The following ACOT9 variants were observed in gnomAD, a reference collection of about 807,000 sequenced individuals.
ACOT9 encodes the protein acyl-CoA thioesterase 9, also known as acyl-coenzyme A thioesterase 9, mitochondrial.
A neutral mutation model predicts 39.7 loss-of-function variants in ACOT9; 34 were observed. That is an observed-to-expected ratio of 0.86 (90% CI 0.65 to 1.14). The LOEUF (loss-of-function observed/expected upper bound fraction) is 1.14, where lower values mean the gene tolerates loss of function less well. Ranked by LOEUF, ACOT9 falls within the 50% of genes most tolerant of loss-of-function variation. The probability of loss-of-function intolerance (pLI) is 0.00; values close to 1 mark genes in which losing one functional copy is unlikely to be tolerated. For synonymous variants in ACOT9, 110 were observed against 120.5 expected (o/e 0.91, Z 0.57); for missense variants, 313 against 344.1 (o/e 0.91, Z 0.71).
intron 1 of ACOT9, among the ~76,000 whole-genome samples, chrX:23,740,911 A>T (rs1930121984): frequency 9.1e-6 from 1 of 109,812 alleles, no homozygotes; most frequent in Non-Finnish European, 1.9e-5. Context: ...AGGCCTTTGC[A>T]ACACTCAAAT....
rs141563584 is a variant in ACOT9 at position 23,739,033 on chromosome X, G to A, written c.21-3017C>T. Among the ~76,000 whole-genome samples, 921 of 111,768 alleles carry A rather than the reference G, an allele frequency of 8.2e-3. 14 individuals carry two copies. Among genetic ancestry groups the A allele is most frequent in the African/African-American group, 0.028 (858 of 30,779 alleles). On this transcript the variant is annotated intron_variant, in intron 1 of 15. Transcript: ENST00000379303. Reference sequence around the variant, plus strand: ...AACACTTTGGGAGGCCGAGGCAGGCGTATCACTTGAGGTTAGGAGTTTGAG... The same window carrying A: ...AACACTTTGGGAGGCCGAGGCAGGCATATCACTTGAGGTTAGGAGTTTGAG...
chrX:23,726,542 A>T (rs1418752473), intron 6 of ACOT9, among the ~76,000 whole-genome samples: 2 of 111,929 alleles, frequency 1.8e-5, no homozygotes, highest in Non-Finnish European at 3.8e-5. Context: ...GGAAATGTTT[A>T]ATTAACAGGA....
intron 4 of ACOT9, among the ~76,000 whole-genome samples, chrX:23,732,853 G>A (rs1028800693): frequency 8.9e-6 from 1 of 111,836 alleles, no homozygotes; most frequent in Non-Finnish European, 1.9e-5. Flanking sequence ...CTGAGTTTCA[G>A]TTTCATGTGT....
intron 8 of ACOT9, among the ~76,000 whole-genome samples, chrX:23,718,807 G>A (rs1929179265): frequency 1.9e-5 from 2 of 106,135 alleles, no homozygotes; most frequent in South Asian, 8.6e-4. Context: ...TTGGGAGGCT[G>A]AGGCAGGAGA....
rs183635797 is a variant in ACOT9 at position 23,708,391 on chromosome X, G to A, written c.663-447C>T. On this transcript the variant is annotated intron_variant, in intron 9 of 15. Coordinates refer to ENST00000379303, the MANE Select transcript of ACOT9 (RefSeq NM_001037171.2). ...ACTAAAAATACAAAATTAGCCGGGC[G>A]TGGTGGCACATGCCTGTAATCCCAG... is the stretch of plus-strand genomic sequence containing the variant. 2.4e-3 allele frequency among the ~76,000 whole-genome samples: 270 copies of A among 111,268 alleles called. 2 individuals carry two copies. The highest frequency in any genetic ancestry group is 8.2e-3 in the African/African-American group (251 of 30,733).
Position 23,730,891 on chromosome X carries a change from T to C in ACOT9, c.287A>G (p.Tyr96Cys), listed in dbSNP as rs1200833894. The change falls in exon 5 of 16, where the codon TAT becomes TGT. Residue 96 changes from tyrosine (Y) to cysteine (C), a missense_variant. By Grantham distance (194) the Tyr-to-Cys change is radical. Coordinates refer to ENST00000379303, the MANE Select transcript of ACOT9 (RefSeq NM_001037171.2). Reference protein sequence around the residue: ...GLPPRRMKDSYIEVLLPLGSE... With the variant: ...GLPPRRMKDSCIEVLLPLGSE... Reference sequence around the variant, plus strand: ...GCCCAAAGGCAAGAGAACTTCAATATAACTGTCCTTCATTCTCCTAGGAGG... The same window carrying C: ...GCCCAAAGGCAAGAGAACTTCAATACAACTGTCCTTCATTCTCCTAGGAGG... The C allele has an allele frequency of 1.7e-6, 2 of 1,209,261 alleles. No homozygotes were observed. Among genetic ancestry groups the C allele is most frequent in the East Asian group, 3.0e-5 (1 of 33,816 alleles).
At chrX:23,716,342 C>T (rs1413523740) in intron 8 of ACOT9, among the ~76,000 whole-genome samples, 1 of 112,090 alleles carries the variant, frequency 8.9e-6, no homozygotes, top group Non-Finnish European at 1.9e-5. Context: ...TTTGGATTTT[C>T]GATTTTTGGA....
At chrX:23,738,491 C>T (rs1930020526) in intron 1 of ACOT9, among the ~76,000 whole-genome samples, 1 of 109,998 alleles carries the variant, frequency 9.1e-6, no homozygotes, top group African/African-American at 3.3e-5. Flanking sequence ...CACCTGTAGT[C>T]CCAGCTACTC....
chrX:23,731,979 G>T (rs1171368384), intron 4 of ACOT9, among the ~76,000 whole-genome samples: 4 of 111,848 alleles, frequency 3.6e-5, no homozygotes, highest in Non-Finnish European at 7.5e-5. Context: ...TTCCAGAAAT[G>T]TTTACCCTAC....
intron 9 of ACOT9, among the ~76,000 whole-genome samples, chrX:23,712,660 G>A (rs1030012603): frequency 3.6e-5 from 4 of 111,300 alleles, no homozygotes; most frequent in Non-Finnish European, 5.7e-5. Context: ...TCGCTCTGTC[G>A]CCCAGGCTGG....
Position 23,729,655 on chromosome X carries a change from G to A in ACOT9, c.400+872C>T, listed in dbSNP as rs896165642. ...TTTTTTTCTTTTTTATTTTTGAGAC[G>A]GAGTCTCACTCTGTCGCCCAGGCTG... is the stretch of plus-strand genomic sequence containing the variant. On this transcript the variant is annotated intron_variant, in intron 6 of 15. Transcript: ENST00000379303. Among the ~76,000 whole-genome samples the A allele has an allele frequency of 3.6e-5, 4 of 111,612 alleles. No homozygotes were observed. In the South Asian group the frequency reaches 1.1e-3, roughly 31 times the overall value.
intron 12 of ACOT9, 31 bp downstream of exon 12, chrX:23,705,737 C>T: frequency 8.6e-7 from 1 of 1,164,168 alleles, no homozygotes; most frequent in East Asian, 3.0e-5. Flanking sequence ...CGGAAGCTAT[C>T]CTATTCGGAT....
chrX:23,713,826 A>C (rs910328242), intron 8 of ACOT9, among the ~76,000 whole-genome samples: 19 of 110,823 alleles, frequency 1.7e-4, no homozygotes, highest in Admixed American at 3.9e-4. Context: ...GAGACCAGGA[A>C]AGCGAGATCA....
intron 8 of ACOT9, among the ~76,000 whole-genome samples, chrX:23,714,544 C>T (rs769219979): frequency 9.0e-6 from 1 of 111,661 alleles, no homozygotes; most frequent in Non-Finnish European, 1.9e-5. Flanking sequence ...AAATCAGAAA[C>T]ACTTCTGGTC....
At chrX:23,715,318 A>G (rs777272543) in intron 8 of ACOT9, among the ~76,000 whole-genome samples, 4 of 111,315 alleles carry the variant, frequency 3.6e-5, no homozygotes, top group East Asian at 5.7e-4. Flanking sequence ...CCTCCTGTCT[A>G]TATCTTTACC....
chrX:23,726,827 C>T (rs1219063515), intron 6 of ACOT9, among the ~76,000 whole-genome samples: 3 of 110,969 alleles, frequency 2.7e-5, no homozygotes, highest in Non-Finnish European at 5.7e-5. Context: ...CCACTACACC[C>T]GGCTAATTTT....
rs112302225 is a variant in ACOT9 at position 23,720,055 on chromosome X, G to A, written c.588+1826C>T. On this transcript the variant is annotated intron_variant, in intron 8 of 15. Transcript: ENST00000379303. ...TCACCGTGTTAGCCAGGATGGTCTC[G>A]ATCTCCTGACCTGGTGATCTGCCCG... Among the ~76,000 whole-genome samples, 177 of 112,103 alleles carry A rather than the reference G, an allele frequency of 1.6e-3. 1 individual carries two copies. The highest frequency in any genetic ancestry group is 3.6e-3 in the South Asian group (10 of 2,753).
At chrX:23,705,345 A>AC (rs1401017765) in intron 13 of ACOT9, among the ~76,000 whole-genome samples, 164 bp downstream of exon 13, 1 of 111,568 alleles carries the variant, frequency 9.0e-6, no homozygotes, top group Non-Finnish European at 1.9e-5. Flanking sequence ...AGTCAGAGAA[A>AC]CAACCTTCTA....
chrX:23,722,578 A>C (rs1214269258), intron 7 of ACOT9, 92 bp downstream of exon 7: 4 of 667,949 alleles, frequency 6.0e-6, no homozygotes, highest in African/African-American at 4.6e-5. Context: ...AAAAAAAAAA[A>C]TTCCCATAAA....
Sources: allele counts gnomAD v4.1 joint callset (sites outside exome capture counted in the v4.1 genomes callset), GRCh38; gene constraint gnomAD v4.1.1; transcripts MANE v1.5; gene names NCBI Gene and HGNC (gene_info 2026-07-23, HGNC 2026-07-21).